The following CDYL variants were observed in gnomAD, a reference collection of about 807,000 sequenced individuals.
CDYL encodes the protein chromodomain Y like.
Under a neutral mutation model 47.3 loss-of-function variants are expected in CDYL, and 8 were observed. The ratio of observed to expected loss-of-function variants is 0.17; its 90% CI spans 0.10 to 0.31. The LOEUF (loss-of-function observed/expected upper bound fraction) is 0.31, where lower values mean the gene tolerates loss of function less well. Ranked by LOEUF, CDYL falls within the 10% of genes least tolerant of loss-of-function variation. The pLI, the probability that CDYL is intolerant of heterozygous loss-of-function variation, is 1.00. For missense variants in CDYL, 471 were observed against 701.4 expected (o/e 0.67, Z 3.71); for synonymous variants, 266 against 265.0 (o/e 1.00, Z -0.04).
chr6:4,836,242 TTCTAAG>T (rs1760302390), intron 1 of CDYL: 18 of 984,516 alleles, frequency 1.8e-5, no homozygotes, highest in Non-Finnish European at 2.2e-5. Flanking sequence ...AGGCTTAGGT[TTCTAAG>T]TCAGCCACAA....
At chr6:4,793,250 T>G (rs370524152) in intron 1 of CDYL, among the ~76,000 whole-genome samples, 4 of 152,206 alleles carry the variant, frequency 2.6e-5, no homozygotes, top group Non-Finnish European at 4.4e-5. Flanking sequence ...ACTGGAGATA[T>G]AGCAGCGGGC....
rs148770520 is a variant in CDYL at position 4,838,932 on chromosome 6, G to A, written c.25-52781G>A. ...GAACTCCTGACCTCATGATCCTCCCGCCTCGGCCTTGGGATTACAGGCGTG... is the reference window on the plus strand; with the variant it reads ...GAACTCCTGACCTCATGATCCTCCCACCTCGGCCTTGGGATTACAGGCGTG... On this transcript the variant is annotated intron_variant, in intron 1 of 6. Transcript: ENST00000397588. Among the ~76,000 whole-genome samples the A allele has an allele frequency of 8.7e-3, 1,317 of 152,100 alleles. 8 individuals are homozygous for A. The highest frequency in any genetic ancestry group is 0.037 in the Middle Eastern group (11 of 294).
chr6:4,799,800 A>G (rs1759174930), intron 1 of CDYL, among the ~76,000 whole-genome samples: 1 of 152,168 alleles, frequency 6.6e-6, no homozygotes, highest in Non-Finnish European at 1.5e-5. Context: ...ACTGAGAAAT[A>G]TGTTAGAATT....
chr6:4,757,593 C>G (rs1758094114), intron 3 of CDYL, among the ~76,000 whole-genome samples: 1 of 152,040 alleles, frequency 6.6e-6, no homozygotes, highest in African/African-American at 2.4e-5. Context: ...TACTGCAGAC[C>G]CAATATGAGA....
chr6:4,826,928 G>T (rs1198909970), intron 1 of CDYL, among the ~76,000 whole-genome samples: 1 of 152,128 alleles, frequency 6.6e-6, no homozygotes, highest in Non-Finnish European at 1.5e-5. Flanking sequence ...AACTGTTATT[G>T]TAAAGCTATC....
At chr6:4,871,986 A>G (rs908785327) in intron 1 of CDYL, among the ~76,000 whole-genome samples, 1 of 152,088 alleles carries the variant, frequency 6.6e-6, no homozygotes, top group African/African-American at 2.4e-5. Flanking sequence ...TGGGTTTCTG[A>G]CCAGAGCTGT....
intron 2 of CDYL, among the ~76,000 whole-genome samples, chr6:4,720,149 TCC>T (rs1757341624): frequency 6.6e-6 from 1 of 152,234 alleles, no homozygotes; most frequent in Non-Finnish European, 1.5e-5. Context: ...TTATTTCATG[TCC>T]TCACATTTCT....
At chr6:4,932,110 G>A (rs1264357542) in intron 2 of CDYL, among the ~76,000 whole-genome samples, 1 of 152,192 alleles carries the variant, frequency 6.6e-6, no homozygotes, top group East Asian at 1.9e-4. Flanking sequence ...GGTGGGGAGA[G>A]TGGACCTGAA....
chr6:4,759,248 C>T (rs1286742414), intron 3 of CDYL, among the ~76,000 whole-genome samples: 2 of 152,052 alleles, frequency 1.3e-5, no homozygotes, highest in African/African-American at 2.4e-5. Context: ...GGATTACAGG[C>T]GTGAGCCACC....
chr6:4,792,011 T>A (rs1451916240), intron 1 of CDYL, among the ~76,000 whole-genome samples: 5 of 150,674 alleles, frequency 3.3e-5, no homozygotes, highest in Non-Finnish European at 7.4e-5. Context: ...GCCTCCCGAG[T>A]AGCTGGGACT....
rs776082681 is a variant in CDYL, at chr6:4,897,792, T to TTTGTTTTG, written c.691+5415_691+5416insGTTTTGTT. On this transcript the variant is annotated intron_variant, in intron 2 of 6. Transcript: ENST00000397588. Reference sequence around the variant, plus strand: ...TTTCCTAGGTTTTGAAGGTTTTTGTTTTTTTTTTTTAAATTATCCAGGCAT... The same window carrying TTTGTTTTG: ...TTTCCTAGGTTTTGAAGGTTTTTGTTTTGTTTTGTTTTTTTTTTAAATTATCCAGGCAT... 2.2e-4 allele frequency among the ~76,000 whole-genome samples: 24 copies of TTTGTTTTG among 110,010 alleles called. No individual in the cohort carries two copies. In the East Asian group the frequency reaches 4.0e-3, roughly 18 times the overall value. 72.2% of individuals were successfully genotyped at this position (110,010 alleles called of 152,430 possible).
At chr6:4,803,849 T>C (rs1234743195) in intron 1 of CDYL, among the ~76,000 whole-genome samples, 1 of 151,978 alleles carries the variant, frequency 6.6e-6, no homozygotes, top group East Asian at 1.9e-4. Context: ...TCCAACTCTA[T>C]GTGTGTATGT....
chr6:4,792,652 T>A (rs1581169854), intron 1 of CDYL, among the ~76,000 whole-genome samples: 1 of 152,056 alleles, frequency 6.6e-6, no homozygotes, highest in Non-Finnish European at 1.5e-5. Context: ...GCCAGGCTGG[T>A]CTGGAATTCC....
chr6:4,890,219 T>C, intron 1 of CDYL: 1 of 939,636 alleles, frequency 1.1e-6, no homozygotes, highest in Non-Finnish European at 1.3e-6. Flanking sequence ...TCTTAAACTA[T>C]TTCTGCAAAA....
At chr6:4,887,447 G>A (rs896382674) in intron 1 of CDYL, among the ~76,000 whole-genome samples, 1 of 151,730 alleles carries the variant, frequency 6.6e-6, no homozygotes, top group African/African-American at 2.4e-5. Context: ...ATATAACTAA[G>A]ACTTTCTTAA....
intron 2 of CDYL, chr6:4,724,794 G>A (rs757961073): frequency 7.2e-5 from 11 of 152,310 alleles, no homozygotes; most frequent in South Asian, 2.1e-4. Flanking sequence ...CAAAAGCAGT[G>A]TGGACTCAAA....
intron 1 of CDYL, among the ~76,000 whole-genome samples, chr6:4,847,208 C>T (rs1760686911): frequency 6.6e-6 from 1 of 152,158 alleles, no homozygotes; most frequent in Non-Finnish European, 1.5e-5. Context: ...GATTGGTATT[C>T]AGTAAGTCTT....
chr6:4,860,691 C>T (rs1761143488), intron 1 of CDYL, among the ~76,000 whole-genome samples: 1 of 150,168 alleles, frequency 6.7e-6, no homozygotes, highest in Non-Finnish European at 1.5e-5. Flanking sequence ...CTTACACAAT[C>T]ACAAGGTCCC....
chr6:4,946,513 G>T (rs148961423), intron 5 of CDYL, among the ~76,000 whole-genome samples: 41 of 152,192 alleles, frequency 2.7e-4, no homozygotes, highest in African/African-American at 8.9e-4. Flanking sequence ...GGCCACACTC[G>T]GTCACAGGGA....
Sources: allele counts gnomAD v4.1 joint callset (sites outside exome capture counted in the v4.1 genomes callset), GRCh38; gene constraint gnomAD v4.1.1; transcripts MANE v1.5; gene names NCBI Gene and HGNC (gene_info 2026-07-23, HGNC 2026-07-21).